MCTP2: variants seen among roughly 807,000 people sequenced by gnomAD.
MCTP2 encodes multiple C2 and transmembrane domain-containing protein 2.
A neutral mutation model predicts 111.6 loss-of-function variants in MCTP2; 132 were observed. That is an observed-to-expected ratio of 1.18 (90% CI 1.03 to 1.37). The LOEUF (loss-of-function observed/expected upper bound fraction) is 1.37. Ranked by LOEUF, MCTP2 falls within the 40% of genes most tolerant of loss-of-function variation. The probability of loss-of-function intolerance (pLI) is 0.00; values close to 1 mark genes in which losing one functional copy is unlikely to be tolerated. For synonymous variants in MCTP2, 395 were observed against 387.7 expected, an observed-to-expected ratio of 1.02 and a Z score of -0.22; for missense variants, 1,183 against 1,067.9, an observed-to-expected ratio of 1.11 and a Z score of -1.50.
rs969048455 is a variant in MCTP2 at position 94,339,776 on chromosome 15, A to G, written c.780+344A>G. ...TTCAAGCTACCCCTTGTAAGCATCA[A>G]TTGCTACAACATCTGGGTTAAAACT... On this transcript the variant is annotated intron_variant, in intron 5 of 22. Transcript: ENST00000357742. Among the ~76,000 whole-genome samples the G allele has an allele frequency of 7.9e-5, 12 of 152,202 alleles. No individual in the cohort carries two copies. The East Asian group carries it at 1.9e-3, about 24-fold the overall frequency.
intron 19 of MCTP2, among the ~76,000 whole-genome samples, chr15:94,449,422 C>T (rs955009796): frequency 6.6e-6 from 1 of 152,208 alleles, no homozygotes; most frequent in Non-Finnish European, 1.5e-5. Context: ...TCAAACCCAT[C>T]TCTTCTGGTC....
At chr15:94,353,266 G>T (rs544961559) in intron 8 of MCTP2, among the ~76,000 whole-genome samples, 48 of 152,314 alleles carry the variant, frequency 3.2e-4, no homozygotes, top group African/African-American at 9.9e-4. Context: ...ATGTTATGGT[G>T]TAATGCAGCG....
chr15:94,450,506 A>G (rs2084378455), intron 19 of MCTP2, among the ~76,000 whole-genome samples: 1 of 152,220 alleles, frequency 6.6e-6, no homozygotes, highest in Admixed American at 6.5e-5. Flanking sequence ...GTTCTTTGTT[A>G]TGACAGATGC....
At chr15:94,275,337 T>A (rs899987009) in intron 1 of MCTP2, among the ~76,000 whole-genome samples, 1 of 152,122 alleles carries the variant, frequency 6.6e-6, no homozygotes, top group African/African-American at 2.4e-5. Flanking sequence ...TCACAGGTGA[T>A]CAGGTTGTAC....
At chr15:94,238,989 A>C (rs377575988) in intron 1 of MCTP2, among the ~76,000 whole-genome samples, 31 of 151,722 alleles carry the variant, frequency 2.0e-4, no homozygotes, top group African/African-American at 7.5e-4. Context: ...AGAATCCAAG[A>C]TACAATGGAG....
chr15:94,463,236 TA>T (rs1227330825), intron 20 of MCTP2, among the ~76,000 whole-genome samples: 8 of 152,256 alleles, frequency 5.3e-5, no homozygotes, highest in African/African-American at 1.9e-4. Context: ...ATGAGCTTGT[TA>T]TATTCCAGTG....
chr15:94,307,259 C>T (rs2075927579), intron 2 of MCTP2, among the ~76,000 whole-genome samples: 1 of 152,096 alleles, frequency 6.6e-6, no homozygotes, highest in Non-Finnish European at 1.5e-5. Flanking sequence ...AGAAAGAAAG[C>T]AGAGTAGGTG....
intron 4 of MCTP2, among the ~76,000 whole-genome samples, chr15:94,331,572 A>G (rs1219847463): frequency 6.6e-6 from 1 of 152,190 alleles, no homozygotes; most frequent in East Asian, 1.9e-4. Flanking sequence ...GACCTGCCTT[A>G]TGTCTCATTG....
rs558241373 is a variant in MCTP2, at chr15:94,442,800, T to C, written c.2209-119T>C. ...AGAGTTATTGTTTAAGAGGTTGTAA[T>C]GCATTTCAAAAATATAAATGCTTGA... On this transcript the variant is annotated intron_variant, in intron 18 of 22. Transcript: ENST00000357742. 48 of 785,954 alleles carry C rather than the reference T, an allele frequency of 6.1e-5. No individual in the cohort carries two copies. The African/African-American group carries it at 7.6e-4, about 12-fold the overall frequency. 48.7% of individuals were successfully genotyped at this position (785,954 alleles called of 1,614,324 possible).
chr15:94,277,275 A>G (rs2074263557), intron 1 of MCTP2, among the ~76,000 whole-genome samples: 3 of 152,190 alleles, frequency 2.0e-5, no homozygotes, highest in African/African-American at 4.8e-5. Context: ...CTGCTCATTG[A>G]AGACTGAAGT....
At chr15:94,310,559 C>T (rs1272263166) in intron 2 of MCTP2, among the ~76,000 whole-genome samples, 7 of 151,966 alleles carry the variant, frequency 4.6e-5, no homozygotes, top group South Asian at 4.2e-4. Context: ...GAGGCCAAGG[C>T]GGGAAGATCG....
In MCTP2 at chr15:94,268,306, G is replaced by A. The variant is rs1232857859; in HGVS notation, c.-65-29895G>A. On this transcript the variant is annotated intron_variant, in intron 1 of 22. Transcript: ENST00000357742. ...AGTGATTCTCCTGCCTCAGCCTCCT[G>A]AGTAGTTGGGATTACAGGCGCCTAC... Among the ~76,000 whole-genome samples, 10 of 150,562 alleles carry A rather than the reference G, an allele frequency of 6.6e-5. No homozygotes were observed. The South Asian group carries it at 1.3e-3, about 19-fold the overall frequency.
At chr15:94,278,343 CTG>C (rs1376721632) in intron 1 of MCTP2, 1 of 152,152 alleles carries the variant, frequency 6.6e-6, no homozygotes, top group Non-Finnish European at 1.5e-5. Flanking sequence ...TATGGAAACT[CTG>C]TACCTGATAG....
At chr15:94,245,223 T>C (rs1175138546) in intron 1 of MCTP2, among the ~76,000 whole-genome samples, 1 of 144,028 alleles carries the variant, frequency 6.9e-6, no homozygotes, top group East Asian at 2.1e-4. Context: ...TATGTGTATA[T>C]ATACATATGT....
intron 19 of MCTP2, among the ~76,000 whole-genome samples, chr15:94,456,251 G>C (rs1204324103): frequency 6.6e-6 from 1 of 152,144 alleles, no homozygotes; most frequent in South Asian, 2.1e-4. Flanking sequence ...CAGGACTCAT[G>C]AGCATCGTTA....
intron 12 of MCTP2, 120 bp downstream of exon 12, chr15:94,370,300 A>G: frequency 1.5e-6 from 1 of 662,408 alleles, no homozygotes; most frequent in Non-Finnish European, 2.4e-6. Flanking sequence ...GCTCCTTCAA[A>G]TAGAGTCATA....
chr15:94,466,633 C>T (rs1304617655), intron 20 of MCTP2, among the ~76,000 whole-genome samples: 1 of 152,120 alleles, frequency 6.6e-6, no homozygotes, highest in African/African-American at 2.4e-5. Flanking sequence ...TAGGCTTCCC[C>T]TCGTGCCCCC....
At chr15:94,407,545 A>G (rs576012442) in intron 17 of MCTP2, among the ~76,000 whole-genome samples, 40 of 152,302 alleles carry the variant, frequency 2.6e-4, no homozygotes, top group African/African-American at 9.4e-4. Flanking sequence ...TTCAGAGTTG[A>G]CAAGGACTGA....
Position 94,340,822 on chromosome 15 carries a change from A to T in MCTP2, c.867A>T (p.Glu289Asp). Residue 289 changes from glutamate (E) to aspartate (D), a missense_variant, in exon 7 of 23, where the codon GAA (glutamate) becomes GAT (aspartate). Glu to Asp is a conservative substitution (Grantham distance 45). Transcript: ENST00000357742. The part of the protein sequence containing the change: ...LSDLELNRTT[E>D]HILKLEDPNS... ...TGCTTTTTGCTTGTAGAACAACTGA[A>T]CATATTTTAAAACTGGAAGATCCAA... The T allele has an allele frequency of 3.7e-6, 6 of 1,608,004 alleles. No homozygotes were observed. The highest frequency in any genetic ancestry group is 5.1e-6 in the Non-Finnish European group (6 of 1,175,156).
Sources: gnomAD v4.1 joint callset for allele counts (sites outside exome capture counted in the v4.1 genomes callset) on GRCh38, gnomAD v4.1.1 for gene constraint, MANE v1.5 for transcripts, NCBI Gene and HGNC (gene_info 2026-07-23, HGNC 2026-07-21) for gene names.